The following PGD variants were observed in gnomAD, a reference collection of about 807,000 sequenced individuals.
PGD encodes the protein 6-phosphogluconate dehydrogenase, decarboxylating.
In PGD, 21 loss-of-function variants were observed where a neutral mutation model predicts 60.4. The observed-to-expected ratio is 0.35, with a 90% confidence interval of 0.25 to 0.50. The LOEUF is 0.50. PGD is among the 20% of genes least tolerant of loss of function. The probability of loss-of-function intolerance (pLI) is 0.98; values close to 1 mark genes in which losing one functional copy is unlikely to be tolerated. For synonymous variants in PGD, 230 were observed against 235.9 expected, an observed-to-expected ratio of 0.97 and a Z score of 0.23; for missense variants, 477 against 613.1, an observed-to-expected ratio of 0.78 and a Z score of 2.34.
intron 8 of PGD, among the ~76,000 whole-genome samples, chr1:10,413,677 G>A (rs560519176): frequency 3.3e-5 from 5 of 152,232 alleles, no homozygotes; most frequent in South Asian, 2.1e-4. Flanking sequence ...AGGCCGAGGC[G>A]GGTGGATCAT....
chr1:10,417,138 G>A, intron 9 of PGD, 21 bp downstream of exon 9: 4 of 1,613,544 alleles, frequency 2.5e-6, no homozygotes, highest in Non-Finnish European at 2.5e-6. Context: ...GTCCCTGGCA[G>A]TGGTCTTTGT....
chr1:10,408,010 T>C, intron 5 of PGD, 61 bp from the exon 6 acceptor site: 2 of 960,326 alleles, frequency 2.1e-6, no homozygotes, highest in Non-Finnish European at 3.4e-6. Flanking sequence ...TTGGTGTCTA[T>C]GGGTATGGGC....
At chr1:10,402,587 A>T (rs914853905) in intron 3 of PGD, among the ~76,000 whole-genome samples, 3 of 150,632 alleles carry the variant, frequency 2.0e-5, no homozygotes, top group Non-Finnish European at 4.4e-5. Context: ...CAGTGTTGCG[A>T]TCTCAGCTCA....
chr1:10,420,389 C>CTTTTT lies in PGD; in HGVS notation c.*660_*664dup, dbSNP rs70997229. Among the ~76,000 whole-genome samples the CTTTTT allele has an allele frequency of 6.7e-5, 5 of 75,052 alleles. No individual in the cohort carries two copies. The highest frequency in any genetic ancestry group is 7.3e-5 in the Non-Finnish European group (3 of 40,846). 49.2% of individuals were successfully genotyped at this position (75,052 alleles called of 152,430 possible). On this transcript the variant is annotated 3_prime_UTR_variant, in exon 13 of 13. Coordinates refer to ENST00000270776, the MANE Select transcript of PGD (RefSeq NM_002631.4). ...CACTGTAACGTGCTTTTTCTTTCGT[C>CTTTTT]TTTTTTTTTTTTTTTTTTTTTTTTG...
chr1:10,416,507 C>T (rs1159449058), intron 8 of PGD, among the ~76,000 whole-genome samples: 2 of 152,144 alleles, frequency 1.3e-5, no homozygotes, highest in African/African-American at 2.4e-5. Flanking sequence ...GGTTGCTGTG[C>T]GAACTTTGGT....
intron 4 of PGD, 70 bp from the exon 5 acceptor site, chr1:10,404,091 G>A: frequency 9.5e-7 from 1 of 1,055,668 alleles, no homozygotes; most frequent in Non-Finnish European, 1.4e-6. Context: ...AACATTTTTG[G>A]GTAGCATAAT....
At chr1:10,402,971 C>G (rs1639340061) in intron 3 of PGD, 100 bp from the exon 4 acceptor site, 1 of 869,540 alleles carries the variant, frequency 1.2e-6, no homozygotes. Flanking sequence ...GAACGAGACT[C>G]TTTTTAGACT....
In PGD at chr1:10,400,553, A is replaced by G; in HGVS notation, c.245A>G (p.Asp82Gly). ...CTGGTGAAGGCTGGGCAAGCTGTGG[A>G]TGATTTCATCGAGAAATTGGTGAGG... ...ILLVKAGQAV[D>G]DFIEKLVPLL... is the part of the protein sequence containing the mutation. Residue 82 changes from aspartate to glycine, a missense_variant, in exon 3 of 13, where the codon GAT (aspartate) becomes GGT (glycine). Physicochemically the swap from Asp to Gly is moderately conservative, Grantham distance 94. This residue lies in a region of PGD where 431 missense variants were observed against 556.6 expected (regional missense o/e 0.77). Transcript: ENST00000270776. 1 of 1,613,642 alleles carries G rather than the reference A, an allele frequency of 6.2e-7. No individual in the cohort carries two copies. Among genetic ancestry groups the G allele is most frequent in the Non-Finnish European group, 8.5e-7 (1 of 1,179,836 alleles).
chr1:10,409,649 C>CTTTTTTTTTTTTTT (rs543426528), intron 6 of PGD, among the ~76,000 whole-genome samples: 2 of 75,406 alleles, frequency 2.7e-5, no homozygotes, highest in African/African-American at 1.2e-4. Flanking sequence ...GTGGTAGCAA[C>CTTTTTTTTTTTTTT]TTTTTTTTTT....
chr1:10,418,823 C>A lies in PGD; in HGVS notation c.1110-3C>A. 1 of 1,486,014 alleles carries A rather than the reference C, an allele frequency of 6.7e-7. No individual in the cohort carries two copies. Among genetic ancestry groups the A allele is most frequent in the Non-Finnish European group, 9.3e-7 (1 of 1,072,514 alleles). The allele number at this position is 1,486,014 out of a possible 1,614,324, so 92.1% of individuals were successfully genotyped here. A position where few individuals can be genotyped will look rare whatever the true frequency, so the allele number is the denominator to read the frequency against. Reference sequence around the variant, plus strand: ...TGCTTTTTTCCCCCCTTGATTATTTCAGTGTATTCCTAGGAAAGATAAAGG... The same window carrying A: ...TGCTTTTTTCCCCCCTTGATTATTTAAGTGTATTCCTAGGAAAGATAAAGG... On this transcript the variant is annotated splice_region_variant and splice_polypyrimidine_tract_variant and intron_variant, in intron 10 of 12. Transcript: ENST00000270776.
chr1:10,399,448 T>TG (rs1409477025), intron 1 of PGD, 181 bp from the exon 2 acceptor site: 2 of 494,752 alleles, frequency 4.0e-6, no homozygotes, highest in Non-Finnish European at 6.7e-6. Context: ...AGGGCGGGGC[T>TG]GGGGGCCGCC....
chr1:10,405,715 A>C (rs1347314973), intron 5 of PGD, among the ~76,000 whole-genome samples: 1 of 151,748 alleles, frequency 6.6e-6, no homozygotes, highest in Non-Finnish European at 1.5e-5. Context: ...GGGCACCTCT[A>C]ATCCCAGCTA....
At chr1:10,419,573 C>T (rs1439045338) in intron 12 of PGD, 34 bp downstream of exon 12, 1 of 1,613,984 alleles carries the variant, frequency 6.2e-7, no homozygotes. Context: ...ACCTGGCTGG[C>T]CCCTCGGGGG....
chr1:10,418,269 G>T (rs979224999), intron 10 of PGD, among the ~76,000 whole-genome samples: 18 of 152,164 alleles, frequency 1.2e-4, no homozygotes, highest in African/African-American at 4.3e-4. Context: ...ATAACGCCAA[G>T]AATAGTTTTT....
chr1:10,403,073 A>G lies in PGD; in HGVS notation c.267A>G (p.Val89=). ...QAVDDFIEKL[V]PLLDTGDIII... ...TTAATGCTGGTGTCTGGTTACAGGTACCATTGTTGGATACTGGTGACATCA... is the reference window on the plus strand; with the variant it reads ...TTAATGCTGGTGTCTGGTTACAGGTGCCATTGTTGGATACTGGTGACATCA... Residue 89 remains valine, a splice_region_variant and synonymous_variant, in exon 4 of 13, where the codon GTA becomes GTG. Transcript: ENST00000270776. The G allele has an allele frequency of 6.2e-7, 1 of 1,603,588 alleles. No individual in the cohort carries two copies. The highest frequency in any genetic ancestry group is 1.1e-5 in the South Asian group (1 of 90,926).
intron 4 of PGD, 48 bp from the exon 5 acceptor site, chr1:10,404,113 G>A (rs1639360459): frequency 4.6e-6 from 6 of 1,294,000 alleles, no homozygotes; most frequent in East Asian, 4.7e-5. Context: ...AAACATGGAA[G>A]CATAATGAAA....
At chr1:10,412,542 A>C (rs990740010) in intron 7 of PGD, among the ~76,000 whole-genome samples, 2 of 152,058 alleles carry the variant, frequency 1.3e-5, no homozygotes, top group Non-Finnish European at 2.9e-5. Flanking sequence ...TTTTGTGTTC[A>C]TTTTTTATTG....
At chr1:10,402,529 T>C (rs536932594) in intron 3 of PGD, among the ~76,000 whole-genome samples, 6 of 145,522 alleles carry the variant, frequency 4.1e-5, no homozygotes, top group Non-Finnish European at 7.6e-5. Flanking sequence ...TCAAAAAAAA[T>C]TTTTTTTTTT....
At chr1:10,399,157 G>T (rs773331321) in intron 1 of PGD, 32 bp downstream of exon 1, 3 of 1,606,376 alleles carry the variant, frequency 1.9e-6, no homozygotes, top group Middle Eastern at 1.7e-4. Flanking sequence ...GCCCGGCTCG[G>T]CCTCAGCGGG....
Sources: gnomAD v4.1 joint callset for allele counts (sites outside exome capture counted in the v4.1 genomes callset) on GRCh38, gnomAD v4.1.1 for gene constraint, gnomAD v4.1.1 regional missense constraint, MANE v1.5 for transcripts, NCBI Gene and HGNC (gene_info 2026-07-23, HGNC 2026-07-21) for gene names.